CYP27C1: variants seen among roughly 807,000 people sequenced by gnomAD.
The protein encoded by CYP27C1 is cytochrome P450 27C1.
A neutral mutation model predicts 40.6 loss-of-function variants in CYP27C1; 29 were observed. The observed-to-expected ratio is 0.71, with a 90% CI of 0.53 to 0.97. The LOEUF is 0.97. Ranked by LOEUF, CYP27C1 falls within the 50% of genes least tolerant of loss-of-function variation. The pLI, the probability that CYP27C1 is intolerant of heterozygous loss-of-function variation, is 0.00. For missense variants in CYP27C1, 390 were observed against 485.8 expected (o/e 0.80, Z 1.85); for synonymous variants, 198 against 186.8 (o/e 1.06, Z -0.49).
intron 8 of CYP27C1, among the ~76,000 whole-genome samples, chr2:127,190,342 C>CTTTTTTTT (rs1241035422): frequency 9.3e-5 from 9 of 96,640 alleles, no homozygotes; most frequent in East Asian, 3.1e-4. Flanking sequence ...TTTTTTTTTT[C>CTTTTTTTT]TTTTTTTTTT....
In CYP27C1 at chr2:127,184,509, T is replaced by A. The variant is rs1254071508; in HGVS notation, c.*2762A>T. 6.6e-6 allele frequency: 1 copy of A among 152,076 alleles called. No homozygotes were observed. Among genetic ancestry groups the A allele is most frequent in the African/African-American group, 2.4e-5 (1 of 41,362 alleles). The allele number at this position is 152,076 out of a possible 1,614,324, so 9.4% of individuals were successfully genotyped here. A position where few individuals can be genotyped will look rare whatever the true frequency, so the allele number is the denominator to read the frequency against. On this transcript the variant is annotated 3_prime_UTR_variant, in exon 9 of 9. Coordinates refer to ENST00000664447, the MANE Select transcript of CYP27C1 (RefSeq NM_001367502.1). Reference sequence around the variant, plus strand: ...GCTCACTGCAAACTGCCTCCCAGGTTCAAGCAATTCTCCTGCCTCAGCCTC... The same window carrying A: ...GCTCACTGCAAACTGCCTCCCAGGTACAAGCAATTCTCCTGCCTCAGCCTC...
chr2:127,203,598 C>T (rs1169019236), intron 2 of CYP27C1, 27 bp from the exon 3 acceptor site: 15 of 1,593,768 alleles, frequency 9.4e-6, no homozygotes, highest in East Asian at 2.2e-5. Flanking sequence ...AGTTTCAAAT[C>T]ATCTTACTTA....
intron 5 of CYP27C1, among the ~76,000 whole-genome samples, chr2:127,198,274 G>C (rs1682952262): frequency 6.6e-6 from 1 of 151,842 alleles, no homozygotes; most frequent in Non-Finnish European, 1.5e-5. Flanking sequence ...GCAGGTTTTG[G>C]TTTTGAAGTT....
intron 1 of CYP27C1, among the ~76,000 whole-genome samples, chr2:127,214,921 G>A (rs1243952489): frequency 6.6e-6 from 1 of 150,430 alleles, no homozygotes; most frequent in Non-Finnish European, 1.5e-5. Flanking sequence ...GAGGTCAGGA[G>A]ATCTAGACCA....
intron 1 of CYP27C1, among the ~76,000 whole-genome samples, chr2:127,214,873 A>T (rs1683400556): frequency 6.8e-6 from 1 of 146,956 alleles, no homozygotes; most frequent in Non-Finnish European, 1.5e-5. Flanking sequence ...TCACGCCTGT[A>T]ATCCCAGCAC....
At chr2:127,193,444 TC>T (rs1337909715) in intron 7 of CYP27C1, 147 bp from the exon 8 acceptor site, 7 of 842,100 alleles carry the variant, frequency 8.3e-6, no homozygotes, top group East Asian at 2.7e-5. Flanking sequence ...TGGCAGCCGC[TC>T]CCCCCTTCCC....
At chr2:127,204,515 A>G (rs1683151986) in intron 2 of CYP27C1, among the ~76,000 whole-genome samples, 3 of 56,668 alleles carry the variant, frequency 5.3e-5, no homozygotes, top group Non-Finnish European at 1.1e-4. Flanking sequence ...GAAAGAAAGA[A>G]GGAAAGAAAG....
chr2:127,192,881 G>T lies in CYP27C1; in HGVS notation c.1497+213C>A, dbSNP rs191963899. On this transcript the variant is annotated intron_variant, in intron 8 of 8. Transcript: ENST00000664447. ...GCTGGAGTGCCGTGGTGTGATCACG[G>T]CTCACTGCAGCCTTGAACTCCTGGG... Among the ~76,000 whole-genome samples the T allele has an allele frequency of 3.5e-3, 514 of 148,648 alleles. 7 individuals are homozygous for T. Among genetic ancestry groups the T allele is most frequent in the Middle Eastern group, 0.014 (4 of 288 alleles).
At chr2:127,202,454 G>T (rs1002568771) in intron 3 of CYP27C1, among the ~76,000 whole-genome samples, 1 of 152,198 alleles carries the variant, frequency 6.6e-6, no homozygotes, top group Non-Finnish European at 1.5e-5. Context: ...TAAAGAGAAA[G>T]CACGGTGCAG....
At chr2:127,214,972 C>CA (rs542154090) in intron 1 of CYP27C1, among the ~76,000 whole-genome samples, 163 of 151,420 alleles carry the variant, frequency 1.1e-3, no homozygotes, top group Middle Eastern at 6.8e-3. Flanking sequence ...ACTAAAAATA[C>CA]AAAAAAATTA....
rs1265826741 is a variant in CYP27C1 at position 127,187,222 on chromosome 2, T to C, written c.*49A>G. Reference sequence around the variant, plus strand: ...GATCAGCGAACACAAATACCCACTGTGTGTCGGCGAGCTGGTCTGCTACAT... The same window carrying C: ...GATCAGCGAACACAAATACCCACTGCGTGTCGGCGAGCTGGTCTGCTACAT... On this transcript the variant is annotated 3_prime_UTR_variant, in exon 9 of 9. Transcript: ENST00000664447. 1.4e-6 allele frequency: 2 copies of C among 1,450,790 alleles called. No homozygotes were observed. Among genetic ancestry groups the C allele is most frequent in the African/African-American group, 2.8e-5 (2 of 71,406 alleles). The allele number at this position is 1,450,790 out of a possible 1,614,324, so 89.9% of individuals were successfully genotyped here.
At chr2:127,187,409 A>G in intron 8 of CYP27C1, 22 bp from the exon 9 acceptor site, 1 of 1,601,620 alleles carries the variant, frequency 6.2e-7, no homozygotes, top group South Asian at 1.1e-5. Context: ...AAGAGAGAGA[A>G]GGGGTCAGAA....
Position 127,211,377 on chromosome 2 carries a change from T to G in CYP27C1, c.283-5287A>C, listed in dbSNP as rs7591073. Among the ~76,000 whole-genome samples the G allele has an allele frequency of 7.8e-3, 960 of 122,952 alleles. 10 individuals carry two copies. Among genetic ancestry groups the G allele is most frequent in the African/African-American group, 0.027 (777 of 28,808 alleles). 80.7% of individuals were successfully genotyped at this position (122,952 alleles called of 152,430 possible). The stretch of plus-strand genomic sequence containing the variant: ...TAAAGCAGTGTTTTTTTGTTTTTTT[T>G]TTTTTTTTTTTTTTTTTTTTTTTGA... On this transcript the variant is annotated intron_variant, in intron 1 of 8. Transcript: ENST00000664447.
Position 127,187,329 on chromosome 2 carries a change from G to C in CYP27C1, c.1556C>G (p.Thr519Ser), listed in dbSNP as rs1682652165. Residue 519 changes from threonine (T) to serine (S), a missense_variant, in exon 9 of 9, where the codon ACC becomes AGC. Thr to Ser is a moderately conservative substitution (Grantham distance 58, BLOSUM62 1). Transcript: ENST00000664447. Reference protein sequence around the residue: ...SSQTNAVHAKTHGLLTPGGPI... With the variant: ...SSQTNAVHAKSHGLLTPGGPI... The stretch of plus-strand genomic sequence containing the variant: ...CCCCCCTGGCGTCAGGAGCCCGTGG[G>C]TTTTTGCATGAACAGCATTGGTCTG... 6.2e-7 allele frequency: 1 copy of C among 1,614,196 alleles called. No individual in the cohort carries two copies. The highest frequency in any genetic ancestry group is 8.5e-7 in the Non-Finnish European group (1 of 1,180,030).
rs139162819 is a variant in CYP27C1, at chr2:127,200,962, CAA to C, written c.883+158_883+159del. On this transcript the variant is annotated intron_variant, in intron 4 of 8. Coordinates refer to ENST00000664447, the MANE Select transcript of CYP27C1 (RefSeq NM_001367502.1). This position sits in a 1 kb window ranked among gnomAD's most constrained non-coding sequence, Gnocchi z 4.2. ...TGGGCGACAGAGCCAGACTCCGTCT[CAA>C]AAAAAAAAAAAATCCAAAAGTTATG... is the stretch of plus-strand genomic sequence containing the variant. Among the ~76,000 whole-genome samples, 48 of 138,640 alleles carry C rather than the reference CAA, an allele frequency of 3.5e-4. No individual in the cohort carries two copies. Among genetic ancestry groups the C allele is most frequent in the African/African-American group, 1.3e-3 (48 of 37,408 alleles). 91.0% of individuals were successfully genotyped at this position (138,640 alleles called of 152,430 possible). A position where few individuals can be genotyped will look rare whatever the true frequency, so the allele number is the denominator to read the frequency against.
At chr2:127,192,958 G>A in intron 8 of CYP27C1, 136 bp downstream of exon 8, 1 of 1,138,822 alleles carries the variant, frequency 8.8e-7, no homozygotes, top group Non-Finnish European at 1.2e-6. Context: ...CCACAGGTGT[G>A]AGCCACAGTG....
intron 2 of CYP27C1, 140 bp downstream of exon 2, chr2:127,205,760 A>G: frequency 1.0e-6 from 1 of 985,514 alleles, no homozygotes; most frequent in Non-Finnish European, 1.2e-6. Context: ...AGATCGCACA[A>G]GGAGACTGTC....
At chr2:127,194,868 C>T (rs13025775) in intron 6 of CYP27C1, among the ~76,000 whole-genome samples, 66,187 of 146,868 alleles carry the variant, frequency 0.45, 14,971 homozygotes, top group Admixed American at 0.57. Context: ...TGAGACAGAG[C>T]CTCGCTCTGT....
rs185921986 is a variant in CYP27C1 at position 127,200,555 on chromosome 2, T to A, written c.883+567A>T. 1.3e-4 allele frequency among the ~76,000 whole-genome samples: 20 copies of A among 152,280 alleles called. No homozygotes were observed. The highest frequency in any genetic ancestry group is 4.8e-4 in the African/African-American group (20 of 41,558). On this transcript the variant is annotated intron_variant, in intron 4 of 8. Transcript: ENST00000664447. The surrounding 1 kb of genome is among the most constrained non-coding windows in gnomAD (Gnocchi z 4.2). ...GTAAAGACATCATCTTGCATGGACA[T>A]TTACTTGTACCTGTCCCTGCTAGCA...
Sources: allele counts gnomAD v4.1 joint callset (sites outside exome capture counted in the v4.1 genomes callset), GRCh38; gene constraint gnomAD v4.1.1; non-coding constraint Gnocchi (gnomAD v3.1); transcripts MANE v1.5; gene names NCBI Gene and HGNC (gene_info 2026-07-23, HGNC 2026-07-21).